FHIT: variants seen among roughly 807,000 people sequenced by gnomAD.
FHIT encodes the protein fragile histidine triad diadenosine triphosphatase, also known as bis(5'-adenosyl)-triphosphatase.
Under a neutral mutation model 17.9 loss-of-function variants are expected in FHIT, and 19 were observed. That is an observed-to-expected ratio of 1.06 (90% CI 0.74 to 1.56). The LOEUF is 1.56. FHIT is among the 40% of genes most tolerant of loss of function. FHIT has a pLI of 0.00. For synonymous variants in FHIT, 81 were observed against 69.7 expected, an observed-to-expected ratio of 1.16 and a Z score of -0.81; for missense variants, 248 against 189.2, an observed-to-expected ratio of 1.31 and a Z score of -1.82.
In FHIT at chr3:60,017,709, G is replaced by C. The variant is rs188487394; in HGVS notation, c.104-3557C>G. Among the ~76,000 whole-genome samples, 101 of 152,112 alleles carry C rather than the reference G, an allele frequency of 6.6e-4. 1 individual carries two copies. In the Middle Eastern group the frequency reaches 0.01, roughly 15 times the overall value. The stretch of plus-strand genomic sequence containing the variant: ...CCCAGAACTGACTATCTCTCTTTTT[G>C]AACATGAACACTTTAGGTGTTTTTG... On this transcript the variant is annotated intron_variant, in intron 5 of 9. Transcript: ENST00000492590.
intron 3 of FHIT, among the ~76,000 whole-genome samples, chr3:60,950,764 C>T (rs1708845318): frequency 6.6e-6 from 1 of 151,960 alleles, no homozygotes; most frequent in South Asian, 2.1e-4. Flanking sequence ...CTCAAGTGAT[C>T]CACCCGCCTC....
intron 4 of FHIT, among the ~76,000 whole-genome samples, chr3:60,615,234 A>T (rs1444498304): frequency 1.3e-5 from 2 of 152,216 alleles, no homozygotes; most frequent in African/African-American, 4.8e-5. Flanking sequence ...GGATGGAAAC[A>T]AAGTGCATAA....
intron 4 of FHIT, among the ~76,000 whole-genome samples, chr3:60,687,147 G>A (rs1337288188): frequency 6.6e-6 from 1 of 152,128 alleles, no homozygotes; most frequent in East Asian, 1.9e-4. Context: ...GTATTATGCT[G>A]CGTAAGCTCC....
intron 5 of FHIT, among the ~76,000 whole-genome samples, chr3:60,282,551 TTAAAG>T (rs1251400844): frequency 2.0e-5 from 3 of 152,072 alleles, no homozygotes; most frequent in African/African-American, 4.8e-5. Flanking sequence ...AGAGTGAACT[TTAAAG>T]TAAAGTATGA....
chr3:60,278,112 T>C (rs79799928), intron 5 of FHIT, among the ~76,000 whole-genome samples: 3,773 of 152,206 alleles, frequency 0.025, 157 homozygotes, highest in African/African-American at 0.086. Context: ...TTTTGACAAA[T>C]TGCTGGAGGC....
At chr3:61,013,693 A>G (rs978601736) in intron 3 of FHIT, among the ~76,000 whole-genome samples, 5 of 152,208 alleles carry the variant, frequency 3.3e-5, no homozygotes, top group African/African-American at 1.2e-4. Context: ...TGGATAATTT[A>G]AAGCAGCAAG....
chr3:59,768,662 C>T (rs998451014), intron 8 of FHIT, among the ~76,000 whole-genome samples: 1 of 152,190 alleles, frequency 6.6e-6, no homozygotes, highest in Admixed American at 6.5e-5. Context: ...TAACCATGAC[C>T]TTATAAAACC....
At chr3:60,945,871 G>T (rs1708619405) in intron 3 of FHIT, among the ~76,000 whole-genome samples, 1 of 152,154 alleles carries the variant, frequency 6.6e-6, no homozygotes, top group Admixed American at 6.5e-5. Context: ...ATATAAAATA[G>T]TTTTCTCAGA....
chr3:60,561,416 C>G (rs932136606), intron 4 of FHIT, among the ~76,000 whole-genome samples: 1 of 151,724 alleles, frequency 6.6e-6, no homozygotes, highest in African/African-American at 2.4e-5. Context: ...CCTTACAAGT[C>G]GCTATTGATA....
chr3:61,064,071 G>C (rs543905823), intron 2 of FHIT, among the ~76,000 whole-genome samples: 39 of 152,242 alleles, frequency 2.6e-4, no homozygotes, highest in Admixed American at 1.6e-3. Context: ...CAGCATAAGA[G>C]GCTGAAACGT....
chr3:60,645,849 T>TG (rs1553686610), intron 4 of FHIT, among the ~76,000 whole-genome samples: 1 of 152,240 alleles, frequency 6.6e-6, no homozygotes, highest in East Asian at 1.9e-4. Context: ...CACTGATCAC[T>TG]GCTGATTTGG....
chr3:59,981,429 T>A (rs1184639086), intron 7 of FHIT, among the ~76,000 whole-genome samples: 1 of 152,160 alleles, frequency 6.6e-6, no homozygotes, highest in South Asian at 2.1e-4. Context: ...ACAAATTCAA[T>A]ATCCAAATTC....
At chr3:60,778,779 C>T (rs782609617) in intron 4 of FHIT, among the ~76,000 whole-genome samples, 1 of 152,266 alleles carries the variant, frequency 6.6e-6, no homozygotes, top group Non-Finnish European at 1.5e-5. Context: ...AGTTATTTTA[C>T]CAAGGTTTTG....
intron 7 of FHIT, among the ~76,000 whole-genome samples, chr3:59,930,186 C>G (rs1007752320): frequency 1.3e-5 from 2 of 152,162 alleles, no homozygotes; most frequent in African/African-American, 4.8e-5. Flanking sequence ...GACATCAATA[C>G]TCCAGCACTT....
At chr3:60,353,954 C>G (rs1202849953) in intron 5 of FHIT, among the ~76,000 whole-genome samples, 1 of 152,010 alleles carries the variant, frequency 6.6e-6, no homozygotes, top group Non-Finnish European at 1.5e-5. Context: ...TATATTTATC[C>G]TATCTATTCT....
At chr3:60,202,814 C>A (rs1033144396) in intron 5 of FHIT, among the ~76,000 whole-genome samples, 1 of 152,070 alleles carries the variant, frequency 6.6e-6, no homozygotes, top group Non-Finnish European at 1.5e-5. Flanking sequence ...CTAAGTGGAG[C>A]CATGACAACC....
At chr3:59,876,032 C>T (rs1285190082) in intron 8 of FHIT, among the ~76,000 whole-genome samples, 1 of 151,542 alleles carries the variant, frequency 6.6e-6, no homozygotes, top group Non-Finnish European at 1.5e-5. Flanking sequence ...TATAGAGACA[C>T]AGAAATCAAA....
chr3:60,225,984 G>A (rs560953116), intron 5 of FHIT, among the ~76,000 whole-genome samples: 3 of 152,236 alleles, frequency 2.0e-5, no homozygotes, highest in African/African-American at 4.8e-5. Context: ...GAGGCTGGGC[G>A]CTCTGTTTAT....
chr3:60,310,456 C>G (rs1373408762), intron 5 of FHIT, among the ~76,000 whole-genome samples: 4 of 152,074 alleles, frequency 2.6e-5, no homozygotes, highest in Non-Finnish European at 5.9e-5. Context: ...GCAAAGGAGA[C>G]AGACAATCAA....
Sources: gnomAD v4.1 joint callset for allele counts (sites outside exome capture counted in the v4.1 genomes callset) on GRCh38, gnomAD v4.1.1 for gene constraint, MANE v1.5 for transcripts, NCBI Gene and HGNC (gene_info 2026-07-23, HGNC 2026-07-21) for gene names.